Variants in RBFOX3 observed in about 807,000 individuals in gnomAD.
RBFOX3 encodes RNA binding protein fox-1 homolog 3.
Under a neutral mutation model 48.7 loss-of-function variants are expected in RBFOX3, and 17 were observed. The ratio of observed to expected loss-of-function variants is 0.35; its 90% CI spans 0.24 to 0.52. RBFOX3 has a LOEUF of 0.52. Among genes scored for constraint, RBFOX3 ranks in the 20% least tolerant of loss-of-function variants. The pLI is 0.94. For missense variants in RBFOX3, 382 were observed against 497.5 expected, an observed-to-expected ratio of 0.77 and a Z score of 2.21; for synonymous variants, 212 against 209.5, an observed-to-expected ratio of 1.01 and a Z score of -0.10.
At chr17:79,395,181 C>T (rs1471247300) in intron 2 of RBFOX3, among the ~76,000 whole-genome samples, 2 of 152,206 alleles carry the variant, frequency 1.3e-5, no homozygotes, top group Non-Finnish European at 2.9e-5. Flanking sequence ...TTGTTAGTCC[C>T]TTTGTTTCAT....
chr17:79,140,392 T>C (rs2041684227), intron 4 of RBFOX3, among the ~76,000 whole-genome samples: 1 of 152,264 alleles, frequency 6.6e-6, no homozygotes, highest in East Asian at 1.9e-4. Flanking sequence ...ACCCAGCCTC[T>C]GAGCTGAGAT....
chr17:79,445,716 C>T (rs1316158077), intron 2 of RBFOX3, among the ~76,000 whole-genome samples: 1 of 152,232 alleles, frequency 6.6e-6, no homozygotes, highest in Non-Finnish European at 1.5e-5. Flanking sequence ...CCTTCCTCCT[C>T]CATGTGCTCC....
At chr17:79,211,870 T>C (rs2058425835) in intron 4 of RBFOX3, among the ~76,000 whole-genome samples, 1 of 152,188 alleles carries the variant, frequency 6.6e-6, no homozygotes, top group African/African-American at 2.4e-5. Context: ...AGGCCCTCTC[T>C]TAGCACCTCT....
intron 4 of RBFOX3, among the ~76,000 whole-genome samples, chr17:79,125,948 T>C (rs987581209): frequency 1.3e-5 from 2 of 152,108 alleles, no homozygotes; most frequent in Admixed American, 1.3e-4. Flanking sequence ...AAGAGGTGAG[T>C]CCACCCACCT....
At chr17:79,513,187 A>C (rs1342260939) in intron 1 of RBFOX3, among the ~76,000 whole-genome samples, 3 of 151,318 alleles carry the variant, frequency 2.0e-5, no homozygotes, top group Non-Finnish European at 4.4e-5. Flanking sequence ...ACATGTTACC[A>C]TCAGGTACAG....
chr17:79,379,248 C>T (rs1460008284), intron 2 of RBFOX3, among the ~76,000 whole-genome samples: 2 of 152,174 alleles, frequency 1.3e-5, no homozygotes, highest in African/African-American at 2.4e-5. Flanking sequence ...ACTCCCAGGG[C>T]TCAGGATGGG....
At chr17:79,662,659 G>A in the RBFOX3 span, among the ~76,000 whole-genome samples, 4 of 152,192 alleles carry the variant, frequency 2.6e-5, no homozygotes, top group East Asian at 1.9e-4. Context: ...ACACGCAGTC[G>A]GGGTTAAGAA....
At chr17:79,189,025 AG>A (rs1251033315) in intron 4 of RBFOX3, among the ~76,000 whole-genome samples, 4 of 152,202 alleles carry the variant, frequency 2.6e-5, no homozygotes, top group East Asian at 3.8e-4. Flanking sequence ...CCAAAGGAAG[AG>A]GGGGGCACTT....
chr17:79,512,804 G>A (rs1599005598), intron 1 of RBFOX3, among the ~76,000 whole-genome samples: 1 of 144,490 alleles, frequency 6.9e-6, no homozygotes. Context: ...ACGGCCCCAT[G>A]GCCAGGGGAC....
Position 79,479,954 on chromosome 17 carries a change from T to C in RBFOX3, c.-175+2500A>G, listed in dbSNP as rs1171441723. Among the ~76,000 whole-genome samples, 6 of 152,180 alleles carry C rather than the reference T, an allele frequency of 3.9e-5. No homozygotes were observed. The highest frequency in any genetic ancestry group is 1.4e-4 in the African/African-American group (6 of 41,436). The stretch of plus-strand genomic sequence containing the variant: ...CATGATCTCAGGGGGTCTCTCGTCC[T>C]GCACTGAGGCCAGCCCCAAACCTCG... On this transcript the variant is annotated intron_variant, in intron 2 of 14. Coordinates refer to ENST00000693108, the MANE Select transcript of RBFOX3 (RefSeq NM_001350451.2). This position sits in a 1 kb window ranked among gnomAD's most constrained non-coding sequence, Gnocchi z 5.1.
At chr17:79,450,440 A>G (rs1555740875) in intron 2 of RBFOX3, among the ~76,000 whole-genome samples, 1 of 152,172 alleles carries the variant, frequency 6.6e-6, no homozygotes, top group Non-Finnish European at 1.5e-5. Context: ...AGATGTCCCC[A>G]TCGGAGCCAT....
intron 4 of RBFOX3, among the ~76,000 whole-genome samples, chr17:79,189,924 C>T (rs2054130690): frequency 6.6e-6 from 1 of 152,250 alleles, no homozygotes; most frequent in Non-Finnish European, 1.5e-5. Flanking sequence ...GCAGACATGA[C>T]TGATGACAGC....
At chr17:79,521,494 A>C (rs2086091999) in intron 1 of RBFOX3, among the ~76,000 whole-genome samples, 1 of 152,038 alleles carries the variant, frequency 6.6e-6, no homozygotes, top group Non-Finnish European at 1.5e-5. Context: ...TCACACACAC[A>C]CGCAGATATA....
At chr17:79,368,386 T>C (rs1288235861) in intron 2 of RBFOX3, among the ~76,000 whole-genome samples, 1 of 152,256 alleles carries the variant, frequency 6.6e-6, no homozygotes, top group Non-Finnish European at 1.5e-5. Flanking sequence ...CGTGCTGTCC[T>C]GCATCTGGGT....
At chr17:79,404,074 G>T (rs906417098) in intron 2 of RBFOX3, among the ~76,000 whole-genome samples, 1 of 152,120 alleles carries the variant, frequency 6.6e-6, no homozygotes. Flanking sequence ...CACCACACCC[G>T]GCCCAGGATG....
chr17:79,516,658 A>G (rs1354860372), intron 1 of RBFOX3, among the ~76,000 whole-genome samples: 1 of 152,224 alleles, frequency 6.6e-6, no homozygotes, highest in Admixed American at 6.5e-5. Context: ...GGTAACTCAG[A>G]TGAGAAGCTA....
At chr17:79,523,828 G>T (rs1163363318) in intron 1 of RBFOX3, among the ~76,000 whole-genome samples, 1 of 152,152 alleles carries the variant, frequency 6.6e-6, no homozygotes, top group African/African-American at 2.4e-5. Context: ...CATTTTGAGT[G>T]GTCCTTGATT....
Position 79,103,092 on chromosome 17 carries a change from T to G in RBFOX3, c.507+70A>C. On this transcript the variant is annotated intron_variant, in intron 8 of 14. Transcript: ENST00000693108. This position sits in a 1 kb window ranked among gnomAD's most constrained non-coding sequence, Gnocchi z 6.1. ...AGGGTGCGGCAGTGGCAGGGCTGGT[T>G]GGTTGGGGGAGCTGGGGGGCAGGTG... 1.7e-6 allele frequency: 2 copies of G among 1,162,150 alleles called. No individual in the cohort carries two copies. The highest frequency in any genetic ancestry group is 2.5e-6 in the Non-Finnish European group (2 of 797,058). 72.0% of individuals were successfully genotyped at this position (1,162,150 alleles called of 1,614,324 possible). A position where few individuals can be genotyped will look rare whatever the true frequency, so the allele number is the denominator to read the frequency against.
chr17:79,416,718 C>A (rs1482034303), intron 2 of RBFOX3, among the ~76,000 whole-genome samples: 1 of 152,218 alleles, frequency 6.6e-6, no homozygotes, highest in Admixed American at 6.5e-5. Context: ...TTCAGCAGCC[C>A]CTTGGATCTA....
Sources: gnomAD v4.1 joint callset for allele counts (sites outside exome capture counted in the v4.1 genomes callset) on GRCh38, gnomAD v4.1.1 for gene constraint, Gnocchi (gnomAD v3.1) non-coding constraint, MANE v1.5 for transcripts, NCBI Gene and HGNC (gene_info 2026-07-23, HGNC 2026-07-21) for gene names.